CDH13: variants seen among roughly 807,000 people sequenced by gnomAD.
CDH13 encodes cadherin-13.
In CDH13, 24 loss-of-function variants were observed where a neutral mutation model predicts 63.8. The observed-to-expected ratio is 0.38, with a 90% CI of 0.27 to 0.53. CDH13 has a LOEUF of 0.53. Ranked by LOEUF, CDH13 falls within the 20% of genes least tolerant of loss-of-function variation. The pLI, the probability that CDH13 is intolerant of heterozygous loss-of-function variation, is 0.85. For missense variants in CDH13, 1,049 were observed against 903.1 expected, an observed-to-expected ratio of 1.16 and a Z score of -2.07; for synonymous variants, 503 against 355.3, an observed-to-expected ratio of 1.42 and a Z score of -4.67.
rs1041137549 is a variant in CDH13, at chr16:82,692,813, C to T, written c.45+65676C>T. Among the ~76,000 whole-genome samples the T allele has an allele frequency of 1.3e-3, 27 of 20,432 alleles. No individual in the cohort carries two copies. The East Asian group carries it at 0.12, about 88-fold the overall frequency. 13.4% of individuals were successfully genotyped at this position (20,432 alleles called of 152,430 possible). ...GTAGCTGGGAGGAGACCTGCACAGGCATTTTTAGTATATGTGGTAGGCAGC... is the reference window on the plus strand; with the variant it reads ...GTAGCTGGGAGGAGACCTGCACAGGTATTTTTAGTATATGTGGTAGGCAGC... On this transcript the variant is annotated intron_variant, in intron 1 of 13. Transcript: ENST00000567109.
At chr16:83,572,579 A>G (rs1393014421) in intron 7 of CDH13, among the ~76,000 whole-genome samples, 1 of 152,202 alleles carries the variant, frequency 6.6e-6, no homozygotes, top group Non-Finnish European at 1.5e-5. Flanking sequence ...GCCTGGCAAC[A>G]TATGGCCCCA....
intron 4 of CDH13, chr16:83,181,105 A>G: frequency 9.0e-7 from 1 of 1,108,212 alleles, no homozygotes; most frequent in Non-Finnish European, 1.3e-6. Context: ...TTTTGATCAC[A>G]TTATTGGGTA....
At chr16:83,575,916 T>C (rs1056684628) in intron 7 of CDH13, among the ~76,000 whole-genome samples, 2 of 152,210 alleles carry the variant, frequency 1.3e-5, no homozygotes, top group African/African-American at 2.4e-5. Context: ...CTTTATTGTA[T>C]TTTTTTAATT....
At chr16:82,678,255 T>A (rs1286574858) in intron 1 of CDH13, among the ~76,000 whole-genome samples, 1 of 151,690 alleles carries the variant, frequency 6.6e-6, no homozygotes, top group Non-Finnish European at 1.5e-5. Flanking sequence ...TAAACTAGAA[T>A]AAATATAAAT....
chr16:83,519,181 TC>T (rs1447821332), intron 7 of CDH13, among the ~76,000 whole-genome samples: 1 of 152,172 alleles, frequency 6.6e-6, no homozygotes, highest in Non-Finnish European at 1.5e-5. Context: ...AGGAGGCAGT[TC>T]CTACATATAG....
At chr16:82,886,795 A>G (rs925969512) in intron 2 of CDH13, among the ~76,000 whole-genome samples, 2 of 152,188 alleles carry the variant, frequency 1.3e-5, no homozygotes, top group Non-Finnish European at 2.9e-5. Flanking sequence ...GCTTGAGTCC[A>G]TTCCCAAGTG....
intron 1 of CDH13, among the ~76,000 whole-genome samples, chr16:82,820,041 G>C (rs959138837): frequency 1.1e-4 from 17 of 152,052 alleles, no homozygotes; most frequent in Non-Finnish European, 1.9e-4. Context: ...GAGCCAGGAG[G>C]GTTCCTGGCT....
intron 3 of CDH13, among the ~76,000 whole-genome samples, chr16:83,057,081 C>T (rs772523888): frequency 1.6e-4 from 25 of 152,148 alleles, no homozygotes; most frequent in Non-Finnish European, 2.9e-4. Flanking sequence ...ATTCTCCTGC[C>T]TCAGCCTCCT....
chr16:82,932,379 A>T, intron 2 of CDH13, among the ~76,000 whole-genome samples: 1 of 152,144 alleles, frequency 6.6e-6, no homozygotes, highest in East Asian at 1.9e-4. Flanking sequence ...TCAGGCAACA[A>T]CCGCTGAAGA....
chr16:83,721,757 C>T (rs764758787), intron 10 of CDH13: 5 of 152,270 alleles, frequency 3.3e-5, no homozygotes, highest in Admixed American at 1.3e-4. Context: ...GAGGAAGAGA[C>T]TCCAGGGGCT....
At chr16:83,282,903 C>A (rs1228041409) in intron 5 of CDH13, among the ~76,000 whole-genome samples, 2 of 152,180 alleles carry the variant, frequency 1.3e-5, no homozygotes, top group Non-Finnish European at 2.9e-5. Flanking sequence ...CATGTAACCT[C>A]ATCATGGTAT....
At chr16:83,684,200 C>G (rs778472913) in intron 10 of CDH13, among the ~76,000 whole-genome samples, 18 of 152,096 alleles carry the variant, frequency 1.2e-4, no homozygotes, top group Admixed American at 9.2e-4. Context: ...AACGCCATCT[C>G]TACTAAAAAT....
At chr16:83,366,035 C>T (rs1285395069) in intron 6 of CDH13, among the ~76,000 whole-genome samples, 1 of 152,062 alleles carries the variant, frequency 6.6e-6, no homozygotes, top group Non-Finnish European at 1.5e-5. Context: ...TTGTTTTAAG[C>T]CACTTAATTT....
At chr16:83,017,138 C>T (rs1021913621) in intron 2 of CDH13, among the ~76,000 whole-genome samples, 1 of 152,164 alleles carries the variant, frequency 6.6e-6, no homozygotes, top group African/African-American at 2.4e-5. Context: ...TTTAGGTGTT[C>T]TTGACTATCT....
chr16:83,507,003 C>T (rs1033243777), intron 7 of CDH13, among the ~76,000 whole-genome samples: 3 of 152,174 alleles, frequency 2.0e-5, no homozygotes, highest in Admixed American at 2.0e-4. Context: ...TTTTTAGTTG[C>T]TTTAAAGCAC....
chr16:83,785,326 C>G (rs571572002), intron 13 of CDH13, among the ~76,000 whole-genome samples: 1 of 152,170 alleles, frequency 6.6e-6, no homozygotes, highest in Non-Finnish European at 1.5e-5. Flanking sequence ...GGCGCCTTCT[C>G]CCTGCATTTT....
At chr16:83,265,206 G>A (rs191678050) in intron 5 of CDH13, among the ~76,000 whole-genome samples, 2 of 152,240 alleles carry the variant, frequency 1.3e-5, no homozygotes, top group East Asian at 3.9e-4. Flanking sequence ...CTCTAAGCCT[G>A]CTTCTCAGCC....
At chr16:83,009,575 T>C (rs953188577) in intron 2 of CDH13, among the ~76,000 whole-genome samples, 11 of 152,198 alleles carry the variant, frequency 7.2e-5, no homozygotes, top group Admixed American at 2.6e-4. Context: ...TGAGTAGCAG[T>C]ACTCTTTACA....
intron 3 of CDH13, among the ~76,000 whole-genome samples, chr16:83,038,409 A>C (rs991728064): frequency 2.0e-5 from 3 of 152,296 alleles, no homozygotes; most frequent in Admixed American, 1.3e-4. Context: ...AGATCACCTT[A>C]GATCTGAGTA....
Sources: gnomAD v4.1 joint callset for allele counts (sites outside exome capture counted in the v4.1 genomes callset) on GRCh38, gnomAD v4.1.1 for gene constraint, MANE v1.5 for transcripts, NCBI Gene and HGNC (gene_info 2026-07-23, HGNC 2026-07-21) for gene names.